Variants in GPR158 observed in about 807,000 individuals in gnomAD.
GPR158 encodes the protein G protein-coupled receptor 158.
In GPR158, 30 loss-of-function variants were observed where a neutral mutation model predicts 78.2. The ratio of observed to expected loss-of-function variants is 0.38; its 90% CI spans 0.29 to 0.52. GPR158 has a LOEUF of 0.52. Among genes scored for constraint, GPR158 ranks in the 20% least tolerant of loss-of-function variants. The probability of loss-of-function intolerance (pLI) is 0.83; values close to 1 mark genes in which losing one functional copy is unlikely to be tolerated. For missense variants in GPR158, 1,463 were observed against 1,523.5 expected (o/e 0.96, Z 0.66); for synonymous variants, 581 against 591.1 (o/e 0.98, Z 0.25).
chr10:25,362,918 C>G (rs1855662471), intron 2 of GPR158, among the ~76,000 whole-genome samples: 1 of 151,826 alleles, frequency 6.6e-6, no homozygotes, highest in Middle Eastern at 3.2e-3. Context: ...CACAAATTCT[C>G]TTTTGTTTAC....
At chr10:25,193,674 G>A (rs547690777) in intron 1 of GPR158, among the ~76,000 whole-genome samples, 1 of 152,178 alleles carries the variant, frequency 6.6e-6, no homozygotes, top group South Asian at 2.1e-4. Context: ...TCCCCCTTTG[G>A]GTGTCTTTAT....
intron 5 of GPR158, among the ~76,000 whole-genome samples, chr10:25,524,353 C>G (rs1836322708): frequency 6.6e-6 from 1 of 152,122 alleles, no homozygotes; most frequent in African/African-American, 2.4e-5. Flanking sequence ...AAAAGCAGAA[C>G]AAAATTGGAA....
At chr10:25,558,062 T>C (rs1020723600) in intron 6 of GPR158, among the ~76,000 whole-genome samples, 2 of 152,252 alleles carry the variant, frequency 1.3e-5, no homozygotes, top group African/African-American at 4.8e-5. Flanking sequence ...AAAATATTTA[T>C]ATACATGTTC....
rs1477671605 is a variant in GPR158 at position 25,257,697 on chromosome 10, A to G, written c.1008+36540A>G. 2.0e-5 allele frequency among the ~76,000 whole-genome samples: 3 copies of G among 152,230 alleles called. No individual in the cohort carries two copies. In the East Asian group the frequency reaches 5.8e-4, roughly 29 times the overall value. The stretch of plus-strand genomic sequence containing the variant: ...ATTTTGTCCATTCTGCTTACTAAAT[A>G]TAAGTCACTTTGTATTCATATTATA... On this transcript the variant is annotated intron_variant, in intron 2 of 10. Transcript: ENST00000376351.
intron 2 of GPR158, among the ~76,000 whole-genome samples, chr10:25,247,092 C>T (rs1325787035): frequency 6.6e-6 from 1 of 152,108 alleles, no homozygotes; most frequent in East Asian, 1.9e-4. Flanking sequence ...TCTGTTTTTT[C>T]CACCATTCAT....
At chr10:25,302,238 ATT>A (rs58156960) in intron 2 of GPR158, among the ~76,000 whole-genome samples, 69,115 of 133,236 alleles carry the variant, frequency 0.52, 18,987 homozygotes, top group Non-Finnish European at 0.66. Flanking sequence ...TGCCTGGCTA[ATT>A]TTTTTTTTTT....
At chr10:25,498,260 G>A (rs114604469) in intron 5 of GPR158, among the ~76,000 whole-genome samples, 128 of 152,220 alleles carry the variant, frequency 8.4e-4, no homozygotes, top group African/African-American at 2.7e-3. Flanking sequence ...GACTTCTTTC[G>A]GAATAGATGC....
At chr10:25,193,510 A>G (rs1430705661) in intron 1 of GPR158, among the ~76,000 whole-genome samples, 3 of 152,230 alleles carry the variant, frequency 2.0e-5, no homozygotes, top group East Asian at 1.9e-4. Flanking sequence ...GCTGGAATGT[A>G]GTGAGAGATG....
At chr10:25,450,300 T>G (rs1835197170) in intron 4 of GPR158, among the ~76,000 whole-genome samples, 1 of 151,246 alleles carries the variant, frequency 6.6e-6, no homozygotes, top group East Asian at 1.9e-4. Flanking sequence ...CTGGAAGAGC[T>G]GAGGGGCAAG....
chr10:25,415,998 T>G (rs947735720), intron 4 of GPR158, among the ~76,000 whole-genome samples: 1 of 152,154 alleles, frequency 6.6e-6, no homozygotes, highest in African/African-American at 2.4e-5. Context: ...AATATTAAAG[T>G]ATGTGTATTA....
chr10:25,488,578 G>T (rs1473639293), intron 5 of GPR158, among the ~76,000 whole-genome samples: 1 of 152,062 alleles, frequency 6.6e-6, no homozygotes, highest in African/African-American at 2.4e-5. Context: ...GGTTGCTGAG[G>T]TACTGATTAT....
intron 2 of GPR158, among the ~76,000 whole-genome samples, chr10:25,373,098 G>A (rs10764534): frequency 0.8 from 121,879 of 151,846 alleles, 49,905 homozygotes; most frequent in Non-Finnish European, 0.86. Context: ...GTGCATATGT[G>A]CTGTGGAATA....
At chr10:25,439,159 T>C (rs934150959) in intron 4 of GPR158, among the ~76,000 whole-genome samples, 1 of 152,204 alleles carries the variant, frequency 6.6e-6, no homozygotes, top group African/African-American at 2.4e-5. Context: ...CTAGGCAATT[T>C]ACAAAAGAAA....
chr10:25,320,190 C>A (rs937191081), intron 2 of GPR158, among the ~76,000 whole-genome samples: 2 of 152,204 alleles, frequency 1.3e-5, no homozygotes, highest in Admixed American at 1.3e-4. Flanking sequence ...CTTGTAGCTG[C>A]TCCACATAGT....
At chr10:25,589,964 A>G (rs927842844) in intron 8 of GPR158, among the ~76,000 whole-genome samples, 2 of 152,204 alleles carry the variant, frequency 1.3e-5, no homozygotes, top group Non-Finnish European at 2.9e-5. Context: ...TAAGAAAATT[A>G]GAGATGTTGA....
At chr10:25,187,965 C>G (rs1852711516) in intron 1 of GPR158, among the ~76,000 whole-genome samples, 2 of 152,274 alleles carry the variant, frequency 1.3e-5, no homozygotes, top group East Asian at 1.9e-4. Flanking sequence ...GTGCAAAAAT[C>G]ACAAGCATTC....
intron 2 of GPR158, among the ~76,000 whole-genome samples, chr10:25,246,258 A>G (rs1229716272): frequency 6.6e-6 from 1 of 152,248 alleles, no homozygotes; most frequent in Non-Finnish European, 1.5e-5. Context: ...TACAAGCCAC[A>G]GAAATATAAA....
intron 2 of GPR158, among the ~76,000 whole-genome samples, chr10:25,298,801 G>C (rs750420295): frequency 3.3e-5 from 5 of 152,104 alleles, no homozygotes; most frequent in African/African-American, 1.2e-4. Context: ...AGCTTAAAAA[G>C]AATGCTTTAG....
chr10:25,529,142 A>C (rs1267977753), intron 5 of GPR158, among the ~76,000 whole-genome samples: 1 of 152,166 alleles, frequency 6.6e-6, no homozygotes, highest in Non-Finnish European at 1.5e-5. Flanking sequence ...TAATCCCAGC[A>C]CTTTAGGAGG....
Sources: gnomAD v4.1 joint callset for allele counts (sites outside exome capture counted in the v4.1 genomes callset) on GRCh38, gnomAD v4.1.1 for gene constraint, MANE v1.5 for transcripts, NCBI Gene and HGNC (gene_info 2026-07-23, HGNC 2026-07-21) for gene names.